Variants in PRKG1 observed in about 807,000 individuals in gnomAD.
PRKG1 encodes the protein protein kinase cGMP-dependent 1.
PRKG1 carries 35 observed loss-of-function variants against 88.1 expected under a neutral mutation model. The ratio of observed to expected loss-of-function variants is 0.40; its 90% CI spans 0.30 to 0.53. The LOEUF is 0.53. Ranked by LOEUF, PRKG1 falls within the 20% of genes least tolerant of loss-of-function variation. PRKG1 has a pLI of 0.59. For missense variants in PRKG1, 540 were observed against 839.8 expected (o/e 0.64, Z 4.41); for synonymous variants, 303 against 292.5 (o/e 1.04, Z -0.37).
At chr10:52,188,789 T>G (rs1284869876) in intron 9 of PRKG1, among the ~76,000 whole-genome samples, 1 of 152,098 alleles carries the variant, frequency 6.6e-6, no homozygotes, top group Non-Finnish European at 1.5e-5. Flanking sequence ...AGAGACAAGG[T>G]GCACATCTTT....
intron 3 of PRKG1, among the ~76,000 whole-genome samples, chr10:51,543,226 G>A (rs1842356989): frequency 6.6e-6 from 1 of 152,154 alleles, no homozygotes. Flanking sequence ...AAACATTACA[G>A]TAATTCATGA....
Position 52,280,853 on chromosome 10 carries a change from C to T in PRKG1, c.1468C>T (p.Leu490=). 1 of 1,613,312 alleles carries T rather than the reference C, an allele frequency of 6.2e-7. No individual in the cohort carries two copies. Among genetic ancestry groups the T allele is most frequent in the Non-Finnish European group, 8.5e-7 (1 of 1,179,470 alleles). Residue 490 remains leucine (L), a synonymous_variant, in exon 13 of 18, where the codon CTG becomes TTG. Coordinates refer to ENST00000373980, the MANE Select transcript of PRKG1 (RefSeq NM_006258.4). ...ATGTGTGGTAGAAGCTTTTGCCTATCTGCATTCCAAAGGAATCATTTACAG... is the reference window on the plus strand; with the variant it reads ...ATGTGTGGTAGAAGCTTTTGCCTATTTGCATTCCAAAGGAATCATTTACAG... ...TACVVEAFAY[L]HSKGIIYRDL...
rs80297774 is a variant in PRKG1 at position 52,008,402 on chromosome 10, G to A, written c.763-46082G>A. 9.9e-3 allele frequency among the ~76,000 whole-genome samples: 1,507 copies of A among 152,092 alleles called. 25 individuals are homozygous for A. Among genetic ancestry groups the A allele is most frequent in the African/African-American group, 0.035 (1,438 of 41,510 alleles). On this transcript the variant is annotated intron_variant, in intron 5 of 17. Coordinates refer to ENST00000373980, the MANE Select transcript of PRKG1 (RefSeq NM_006258.4). ...TTAGACTAATAAAGAGAAGAAGAGA[G>A]AAGATTCAAATAAGCACCATTAGAA...
At chr10:51,518,542 C>T (rs1156597754) in intron 3 of PRKG1, among the ~76,000 whole-genome samples, 1 of 152,124 alleles carries the variant, frequency 6.6e-6, no homozygotes, top group Admixed American at 6.6e-5. Flanking sequence ...GCTCCATTAT[C>T]TTCAATATAA....
At chr10:51,001,061 T>A (rs1842883736) in intron 1 of PRKG1, among the ~76,000 whole-genome samples, 1 of 152,200 alleles carries the variant, frequency 6.6e-6, no homozygotes, top group African/African-American at 2.4e-5. Flanking sequence ...GTCATTCTGG[T>A]TAAAAATTGC....
intron 4 of PRKG1, among the ~76,000 whole-genome samples, chr10:51,852,736 C>G (rs1177389602): frequency 6.6e-6 from 1 of 152,124 alleles, no homozygotes; most frequent in Non-Finnish European, 1.5e-5. Context: ...ATACTTTGAT[C>G]CATGAGTTTC....
At chr10:51,147,958 C>G (rs972920456) in intron 1 of PRKG1, among the ~76,000 whole-genome samples, 2 of 152,132 alleles carry the variant, frequency 1.3e-5, no homozygotes, top group Non-Finnish European at 2.9e-5. Context: ...GTTCTTAGCT[C>G]TTAGCCAGCT....
intron 6 of PRKG1, among the ~76,000 whole-genome samples, chr10:52,058,766 C>A (rs1319490285): frequency 6.6e-6 from 1 of 151,858 alleles, no homozygotes; most frequent in Non-Finnish European, 1.5e-5. Context: ...CTAGGCATGA[C>A]ACCACCAGCA....
At chr10:52,002,898 A>T (rs1844635824) in intron 5 of PRKG1, among the ~76,000 whole-genome samples, 1 of 152,196 alleles carries the variant, frequency 6.6e-6, no homozygotes, top group Non-Finnish European at 1.5e-5. Flanking sequence ...CAATCCAGCA[A>T]AAGTGTGAGA....
intron 5 of PRKG1, among the ~76,000 whole-genome samples, chr10:52,013,142 G>T (rs1246338024): frequency 6.6e-6 from 1 of 151,752 alleles, no homozygotes; most frequent in African/African-American, 2.4e-5. Context: ...GGGAGGGCCG[G>T]GTGCGGTGGC....
chr10:51,034,925 C>T (rs1259697085), intron 1 of PRKG1, among the ~76,000 whole-genome samples: 1 of 151,802 alleles, frequency 6.6e-6, no homozygotes, highest in Non-Finnish European at 1.5e-5. Flanking sequence ...ATGTCTCAGG[C>T]CTGTGCTAAG....
intron 2 of PRKG1, among the ~76,000 whole-genome samples, chr10:51,464,890 C>CAAAA (rs11316369): frequency 4.5e-5 from 4 of 88,140 alleles, no homozygotes; most frequent in Non-Finnish European, 4.8e-5. Flanking sequence ...GACTCCGTCT[C>CAAAA]AAAAAAAAAA....
chr10:51,343,801 G>A (rs557883725), intron 2 of PRKG1, among the ~76,000 whole-genome samples: 2 of 152,274 alleles, frequency 1.3e-5, no homozygotes, highest in South Asian at 4.1e-4. Flanking sequence ...CACTCAGCCA[G>A]GGAATAATAG....
chr10:52,038,177 G>A (rs571252629), intron 5 of PRKG1, among the ~76,000 whole-genome samples: 3 of 152,132 alleles, frequency 2.0e-5, no homozygotes, highest in Admixed American at 2.0e-4. Flanking sequence ...AGTTGAAGAG[G>A]TTTTAAGTTT....
chr10:52,008,418 A>G (rs904296432), intron 5 of PRKG1, among the ~76,000 whole-genome samples: 1 of 152,036 alleles, frequency 6.6e-6, no homozygotes, highest in African/African-American at 2.4e-5. Flanking sequence ...TCAAATAAGC[A>G]CCATTAGAAA....
intron 3 of PRKG1, among the ~76,000 whole-genome samples, chr10:51,764,099 A>G (rs1838094384): frequency 6.6e-6 from 1 of 152,202 alleles, no homozygotes; most frequent in Non-Finnish European, 1.5e-5. Context: ...AGGAACAAAC[A>G]TTCCAACCAC....
intron 4 of PRKG1, among the ~76,000 whole-genome samples, chr10:51,864,989 A>G (rs535278552): frequency 1.3e-5 from 2 of 152,280 alleles, no homozygotes; most frequent in South Asian, 4.1e-4. Context: ...CAGGATAATT[A>G]TGGAATATAA....
At chr10:51,258,901 C>T (rs2062237594) in intron 2 of PRKG1, among the ~76,000 whole-genome samples, 1 of 152,166 alleles carries the variant, frequency 6.6e-6, no homozygotes, top group African/African-American at 2.4e-5. Context: ...GAGTGAGTCC[C>T]TTTAGTGCTA....
intron 2 of PRKG1, among the ~76,000 whole-genome samples, chr10:51,371,984 G>A (rs1273096262): frequency 1.3e-5 from 2 of 152,016 alleles, no homozygotes; most frequent in African/African-American, 4.8e-5. Flanking sequence ...TAGGCAACCA[G>A]TACACATTGC....
Sources: gnomAD v4.1 joint callset for allele counts (sites outside exome capture counted in the v4.1 genomes callset) on GRCh38, gnomAD v4.1.1 for gene constraint, MANE v1.5 for transcripts, NCBI Gene and HGNC (gene_info 2026-07-23, HGNC 2026-07-21) for gene names.